The following PRKD3 variants were observed in gnomAD, a reference collection of about 807,000 sequenced individuals.
PRKD3 encodes the protein serine/threonine-protein kinase D3.
A neutral mutation model predicts 99.2 loss-of-function variants in PRKD3; 47 were observed. The observed-to-expected ratio is 0.47, with a 90% CI of 0.38 to 0.60. The LOEUF is 0.60. Ranked by LOEUF, PRKD3 falls within the 20% of genes least tolerant of loss-of-function variation. PRKD3 has a pLI of 0.00. For missense variants in PRKD3, 1,019 were observed against 1,088.4 expected, an observed-to-expected ratio of 0.94 and a Z score of 0.90; for synonymous variants, 392 against 355.4, an observed-to-expected ratio of 1.10 and a Z score of -1.16.
At chr2:37,292,892 C>T (rs560642256) in intron 3 of PRKD3, 4 of 298,476 alleles carry the variant, frequency 1.3e-5, no homozygotes, top group Non-Finnish European at 2.5e-5. Context: ...GCAATCCTCC[C>T]GCCTCAGCTT....
intron 2 of PRKD3, among the ~76,000 whole-genome samples, chr2:37,298,400 T>C (rs1670766116): frequency 8.6e-6 from 1 of 116,528 alleles, no homozygotes; most frequent in South Asian, 2.6e-4. Context: ...GATCATTCCA[T>C]TAACAAAGTT....
rs1466790714 is a variant in PRKD3, at chr2:37,260,404, T to C, written c.1885-20A>G. 1.3e-6 allele frequency: 2 copies of C among 1,595,108 alleles called. No individual in the cohort carries two copies. Among genetic ancestry groups the C allele is most frequent in the Non-Finnish European group, 1.7e-6 (2 of 1,162,990 alleles). On this transcript the variant is annotated intron_variant, in intron 14 of 18. Coordinates refer to ENST00000234179, the MANE Select transcript of PRKD3 (RefSeq NM_005813.6). Reference sequence around the variant, plus strand: ...CAAATTCTGAAGAGAGGTTGCAAGATACATGAGCAACTTAAGCAGAGAAAC... The same window carrying C: ...CAAATTCTGAAGAGAGGTTGCAAGACACATGAGCAACTTAAGCAGAGAAAC...
At chr2:37,304,024 C>A (rs1171703073) in intron 2 of PRKD3, among the ~76,000 whole-genome samples, 4 of 152,046 alleles carry the variant, frequency 2.6e-5, no homozygotes, top group African/African-American at 9.7e-5. Flanking sequence ...TCTTCAAATG[C>A]ATTTGTGACA....
rs1667403016 is a variant in PRKD3 at position 37,250,528 on chromosome 2, T to TTTTTTTA, written c.*2642_*2648dup. ...TTAGTAGAAAATTATAAAATGAGCT[T>TTTTTTTA]TTTTTTATTTTTGGCAGGTTAAAAA... On this transcript the variant is annotated 3_prime_UTR_variant, in exon 19 of 19. Transcript: ENST00000234179. 1 of 152,092 alleles carries TTTTTTTA rather than the reference T, an allele frequency of 6.6e-6. No individual in the cohort carries two copies. The highest frequency in any genetic ancestry group is 6.5e-5 in the Admixed American group (1 of 15,276). 9.4% of individuals were successfully genotyped at this position (152,092 alleles called of 1,614,324 possible).
intron 2 of PRKD3, among the ~76,000 whole-genome samples, chr2:37,293,919 CAT>C (rs987266068): frequency 6.6e-6 from 1 of 152,164 alleles, no homozygotes; most frequent in Non-Finnish European, 1.5e-5. Context: ...CGTAAGTTAA[CAT>C]GTTTTCCTGT....
intron 6 of PRKD3, among the ~76,000 whole-genome samples, chr2:37,284,782 T>TTTA (rs575795423): frequency 2.6e-5 from 4 of 151,996 alleles, no homozygotes; most frequent in Non-Finnish European, 4.4e-5. Flanking sequence ...AAAGCTTTAT[T>TTTA]TTATTATTAT....
intron 8 of PRKD3, chr2:37,279,485 T>G (rs1669731837): frequency 8.2e-6 from 2 of 242,700 alleles, no homozygotes; most frequent in Non-Finnish European, 7.7e-6. Flanking sequence ...AGACCACACT[T>G]AAAGCATTTT....
intron 2 of PRKD3, among the ~76,000 whole-genome samples, chr2:37,309,601 G>C (rs893963584): frequency 7.2e-5 from 11 of 152,148 alleles, no homozygotes; most frequent in Non-Finnish European, 8.8e-5. Flanking sequence ...TGTAATCCCA[G>C]CACTTTGGGA....
At chr2:37,261,715 G>C (rs953637959) in intron 14 of PRKD3, among the ~76,000 whole-genome samples, 18 of 152,354 alleles carry the variant, frequency 1.2e-4, no homozygotes, top group African/African-American at 3.4e-4. Context: ...GGGAGGCAGA[G>C]GTTGCGGTGA....
chr2:37,279,726 G>A lies in PRKD3; in HGVS notation c.1172+20C>T. Reference sequence around the variant, plus strand: ...CTGACCTTGCATCTGGAAGTAGCTTGTAATATGTATATATATTACCTGATT... The same window carrying A: ...CTGACCTTGCATCTGGAAGTAGCTTATAATATGTATATATATTACCTGATT... On this transcript the variant is annotated intron_variant, in intron 8 of 18. Coordinates refer to ENST00000234179, the MANE Select transcript of PRKD3 (RefSeq NM_005813.6). 1.9e-6 allele frequency: 3 copies of A among 1,572,618 alleles called. No individual in the cohort carries two copies. The highest frequency in any genetic ancestry group is 2.4e-5 in the South Asian group (2 of 84,240).
chr2:37,279,887 A>G lies in PRKD3; in HGVS notation c.1031T>C (p.Ile344Thr). ...ATCACTATTTATGTCATTATTGTCAATATCCATTGGTATATCTGTATCTGT... is the reference window on the plus strand; with the variant it reads ...ATCACTATTTATGTCATTATTGTCAGTATCCATTGGTATATCTGTATCTGT... The part of the protein sequence containing the change: ...LGTDTDIPMD[I>T]DNNDINSDSS... The change falls in exon 8 of 19, where the codon ATT becomes ACT. Residue 344 changes from isoleucine to threonine, a missense_variant. Physicochemically the swap from Ile to Thr is moderately conservative, Grantham distance 89 (BLOSUM62 -1). Transcript: ENST00000234179. The G allele has an allele frequency of 1.2e-6, 2 of 1,613,134 alleles. No individual in the cohort carries two copies. The highest frequency in any genetic ancestry group is 2.2e-5 in the South Asian group (2 of 90,972).
intron 2 of PRKD3, among the ~76,000 whole-genome samples, chr2:37,313,606 T>C (rs994530045): frequency 2.0e-5 from 3 of 152,134 alleles, no homozygotes; most frequent in Non-Finnish European, 4.4e-5. Context: ...CTACTTTACA[T>C]AGGAAAACAG....
At chr2:37,296,832 G>A (rs1288043043) in intron 2 of PRKD3, among the ~76,000 whole-genome samples, 4 of 150,316 alleles carry the variant, frequency 2.7e-5, no homozygotes, top group Admixed American at 1.3e-4. Context: ...CCCGGGAGGC[G>A]GAGGTTGTAG....
At chr2:37,288,926 C>T (rs556378092) in intron 5 of PRKD3, among the ~76,000 whole-genome samples, 16 of 152,144 alleles carry the variant, frequency 1.1e-4, no homozygotes, top group Non-Finnish European at 8.8e-5. Context: ...TAGTGGCACG[C>T]ATCTGTAATC....
chr2:37,305,598 C>G (rs1182439069), intron 2 of PRKD3, among the ~76,000 whole-genome samples: 2 of 152,236 alleles, frequency 1.3e-5, no homozygotes, highest in Admixed American at 1.3e-4. Context: ...GCTACAGACT[C>G]TTAATTTCCT....
chr2:37,292,309 C>A (rs1259795361), intron 3 of PRKD3, among the ~76,000 whole-genome samples: 1 of 151,532 alleles, frequency 6.6e-6, no homozygotes, highest in Non-Finnish European at 1.5e-5. Flanking sequence ...AGCTTAGTAA[C>A]ATTCAAGTAA....
chr2:37,311,135 C>T (rs1671407201), intron 2 of PRKD3, among the ~76,000 whole-genome samples: 1 of 152,144 alleles, frequency 6.6e-6, no homozygotes, highest in Non-Finnish European at 1.5e-5. Flanking sequence ...AGGTATCTTG[C>T]TTTATCCATG....
At chr2:37,304,097 T>C (rs965820309) in intron 2 of PRKD3, among the ~76,000 whole-genome samples, 1 of 150,524 alleles carries the variant, frequency 6.6e-6, no homozygotes, top group African/African-American at 2.4e-5. Flanking sequence ...TTTTTAAACA[T>C]AAACTCGATC....
chr2:37,312,078 A>C (rs1671450832), intron 2 of PRKD3, among the ~76,000 whole-genome samples: 1 of 152,226 alleles, frequency 6.6e-6, no homozygotes, highest in Non-Finnish European at 1.5e-5. Context: ...TTCCATAAAT[A>C]TGACAAAACA....
Sources: allele counts gnomAD v4.1 joint callset (sites outside exome capture counted in the v4.1 genomes callset), GRCh38; gene constraint gnomAD v4.1.1; transcripts MANE v1.5; gene names NCBI Gene and HGNC (gene_info 2026-07-23, HGNC 2026-07-21).